CAMK2D: variants seen among roughly 807,000 people sequenced by gnomAD.
CAMK2D encodes calcium/calmodulin-dependent protein kinase type II subunit delta.
In CAMK2D, 37 loss-of-function variants were observed where a neutral mutation model predicts 84.0. That is an observed-to-expected ratio of 0.44 (90% CI 0.34 to 0.58). CAMK2D has a LOEUF of 0.58. CAMK2D is among the 20% of genes least tolerant of loss of function. The probability of loss-of-function intolerance (pLI) is 0.02; values close to 1 mark genes in which losing one functional copy is unlikely to be tolerated. For missense variants in CAMK2D, 448 were observed against 652.5 expected (o/e 0.69, Z 3.41); for synonymous variants, 202 against 212.5 (o/e 0.95, Z 0.43).
chr4:113,542,490 C>T (rs1047159319), intron 6 of CAMK2D, among the ~76,000 whole-genome samples: 2 of 149,814 alleles, frequency 1.3e-5, no homozygotes, highest in South Asian at 2.1e-4. Flanking sequence ...CCGAGACGGG[C>T]GGATCACGAG....
At position 113,498,711 on chromosome 4, in the gene CAMK2D, T is replaced by C. The variant is rs527507125; in HGVS notation, c.1135+1752A>G. ...ACCCATATCATTGTTATGATTTGAA[T>C]TGGAGAACTGTTTTCTAAGAACTGA... On this transcript the variant is annotated intron_variant, in intron 16 of 20. Transcript: ENST00000511664. 7.2e-5 allele frequency among the ~76,000 whole-genome samples: 11 copies of C among 152,300 alleles called. No individual in the cohort carries two copies. The East Asian group carries it at 1.7e-3, about 24-fold the overall frequency.
At chr4:113,500,414 T>C (rs2098019951) in intron 16 of CAMK2D, 49 bp downstream of exon 16, 1 of 1,151,782 alleles carries the variant, frequency 8.7e-7, no homozygotes, top group Non-Finnish European at 1.3e-6. Flanking sequence ...TTTTCATATA[T>C]ATATGTGAAG....
At chr4:113,575,087 T>C (rs2098774097) in intron 4 of CAMK2D, among the ~76,000 whole-genome samples, 1 of 152,190 alleles carries the variant, frequency 6.6e-6, no homozygotes, top group Non-Finnish European at 1.5e-5. Context: ...GTAAATGTAA[T>C]CACTTTTCCC....
At chr4:113,746,912 T>C (rs182880813) in intron 2 of CAMK2D, among the ~76,000 whole-genome samples, 5 of 147,636 alleles carry the variant, frequency 3.4e-5, no homozygotes, top group East Asian at 2.0e-4. Context: ...TTGAAGTCAA[T>C]AGGCTTTCTG....
intron 2 of CAMK2D, among the ~76,000 whole-genome samples, chr4:113,737,510 T>C (rs936072687): frequency 6.6e-6 from 1 of 152,098 alleles, no homozygotes; most frequent in Non-Finnish European, 1.5e-5. Flanking sequence ...TACCACTTAA[T>C]GAATATAGAG....
At chr4:113,503,252 G>T (rs374105339) in intron 14 of CAMK2D, 3 of 661,098 alleles carry the variant, frequency 4.5e-6, no homozygotes, top group Non-Finnish European at 8.5e-6. Flanking sequence ...TTAGAGATCT[G>T]AAGAGGCACT....
chr4:113,522,175 T>G (rs2098369085), intron 8 of CAMK2D, among the ~76,000 whole-genome samples: 1 of 152,184 alleles, frequency 6.6e-6, no homozygotes, highest in African/African-American at 2.4e-5. Flanking sequence ...TGTTAATAAT[T>G]AAACATTCTA....
At chr4:113,470,466 C>T (rs950460770) in intron 16 of CAMK2D, among the ~76,000 whole-genome samples, 7 of 152,004 alleles carry the variant, frequency 4.6e-5, no homozygotes, top group African/African-American at 1.2e-4. Flanking sequence ...GGTGAAACCC[C>T]GTCTCTGCTA....
chr4:113,657,958 T>C (rs1018944819), intron 3 of CAMK2D, among the ~76,000 whole-genome samples: 2 of 152,174 alleles, frequency 1.3e-5, no homozygotes, highest in African/African-American at 4.8e-5. Flanking sequence ...GATATCATAT[T>C]ACCTATGTCA....
At chr4:113,546,559 G>C (rs1374111499) in intron 6 of CAMK2D, among the ~76,000 whole-genome samples, 1 of 152,196 alleles carries the variant, frequency 6.6e-6, no homozygotes, top group African/African-American at 2.4e-5. Flanking sequence ...AGAACATTAA[G>C]TGACTGGAAA....
At chr4:113,511,441 C>CATTA (rs1219032366) in intron 12 of CAMK2D, among the ~76,000 whole-genome samples, 1 of 152,092 alleles carries the variant, frequency 6.6e-6, no homozygotes, top group Admixed American at 6.6e-5. Context: ...TGGGTACATA[C>CATTA]ATTAATAAAG....
rs569336018 is a variant in CAMK2D, at chr4:113,531,802, A to G, written c.518-503T>C. On this transcript the variant is annotated intron_variant, in intron 7 of 20. Transcript: ENST00000511664. ...ACTACTGAACAAGTATCAACTAGAC[A>G]TTCGACTTAAGAAGGGATGTGGTAA... 3.9e-5 allele frequency among the ~76,000 whole-genome samples: 6 copies of G among 152,346 alleles called. No individual in the cohort carries two copies. In the East Asian group the frequency reaches 1.2e-3, roughly 29 times the overall value.
intron 7 of CAMK2D, among the ~76,000 whole-genome samples, chr4:113,533,086 C>G (rs1445360154): frequency 6.6e-6 from 1 of 151,920 alleles, no homozygotes; most frequent in African/African-American, 2.4e-5. Flanking sequence ...TTAACAATAC[C>G]TCTCCTAAGC....
At position 113,506,899 on chromosome 4, in the gene CAMK2D, CCA is replaced by C. The variant is rs1316797010; in HGVS notation, c.985-1866_985-1865del. Among the ~76,000 whole-genome samples, 803 of 150,024 alleles carry C rather than the reference CCA, an allele frequency of 5.4e-3. 5 individuals carry two copies. Among genetic ancestry groups the C allele is most frequent in the African/African-American group, 0.019 (767 of 39,984 alleles). ...TGTACAAGTGCACATGTTCCCCCCC[CCA>C]CACACACACACCTACACACATTCAC... is the stretch of plus-strand genomic sequence containing the variant. On this transcript the variant is annotated intron_variant, in intron 13 of 20. Transcript: ENST00000511664.
Position 113,502,983 on chromosome 4 carries a change from T to A in CAMK2D, c.1045-6A>T. On this transcript the variant is annotated splice_polypyrimidine_tract_variant and splice_region_variant and intron_variant, in intron 14 of 20. Coordinates refer to ENST00000511664, the MANE Select transcript of CAMK2D (RefSeq NM_001321571.2). ...ATTACAGTAGTTTGGGGCTCCTGAG[T>A]GAGAACAAAATAGAGAAAGAAACAG... is the stretch of plus-strand genomic sequence containing the variant. 6.3e-7 allele frequency: 1 copy of A among 1,597,732 alleles called. No homozygotes were observed. The highest frequency in any genetic ancestry group is 8.6e-7 in the Non-Finnish European group (1 of 1,165,176).
chr4:113,686,091 A>C (rs975216307), intron 2 of CAMK2D, among the ~76,000 whole-genome samples: 5 of 152,172 alleles, frequency 3.3e-5, no homozygotes, highest in Non-Finnish European at 7.4e-5. Flanking sequence ...TAAACTAAAT[A>C]AACGAATAAT....
intron 4 of CAMK2D, among the ~76,000 whole-genome samples, chr4:113,591,580 C>CTATT (rs1445724796): frequency 1.1e-4 from 16 of 152,290 alleles, no homozygotes; most frequent in African/African-American, 3.4e-4. Context: ...CCCCTTAACT[C>CTATT]TATTTTAAAA....
intron 4 of CAMK2D, among the ~76,000 whole-genome samples, chr4:113,575,733 T>C (rs141237524): frequency 1.3e-5 from 2 of 152,310 alleles, no homozygotes; most frequent in African/African-American, 4.8e-5. Flanking sequence ...TAATTTCCAG[T>C]TTCTAATTGC....
chr4:113,660,760 T>C (rs2099226520), intron 3 of CAMK2D, among the ~76,000 whole-genome samples: 1 of 151,946 alleles, frequency 6.6e-6, no homozygotes, highest in African/African-American at 2.4e-5. Context: ...AAATCCTGTC[T>C]TTCCATACTT....
Sources: gnomAD v4.1 joint callset for allele counts (sites outside exome capture counted in the v4.1 genomes callset) on GRCh38, gnomAD v4.1.1 for gene constraint, MANE v1.5 for transcripts, NCBI Gene and HGNC (gene_info 2026-07-23, HGNC 2026-07-21) for gene names.